The following ZBTB16 variants were observed in gnomAD, a reference collection of about 807,000 sequenced individuals.
ZBTB16 encodes zinc finger and BTB domain containing 16.
In ZBTB16, 8 loss-of-function variants were observed where a neutral mutation model predicts 56.8. That is an observed-to-expected ratio of 0.14 (90% CI 0.08 to 0.25). The LOEUF is 0.25. Among genes scored for constraint, ZBTB16 ranks in the 10% least tolerant of loss-of-function variants. The probability of loss-of-function intolerance (pLI) is 1.00; values close to 1 mark genes in which losing one functional copy is unlikely to be tolerated. For synonymous variants in ZBTB16, 363 were observed against 368.5 expected (o/e 0.98, Z 0.17); for missense variants, 625 against 903.0 (o/e 0.69, Z 3.95).
intron 2 of ZBTB16, among the ~76,000 whole-genome samples, chr11:114,085,741 G>A (rs961247770): frequency 1.3e-5 from 2 of 152,064 alleles, no homozygotes; most frequent in African/African-American, 4.8e-5. Context: ...GTATGGGTGG[G>A]GGCAGGTGCC....
chr11:114,230,628 C>T (rs1268104850), intron 4 of ZBTB16, among the ~76,000 whole-genome samples: 11 of 17,192 alleles, frequency 6.4e-4, no homozygotes, highest in Non-Finnish European at 1.2e-3. Context: ...TAATCATCTT[C>T]TGTGGGGGGG....
intron 2 of ZBTB16, among the ~76,000 whole-genome samples, chr11:114,076,191 A>G (rs1413538634): frequency 2.0e-5 from 3 of 152,194 alleles, no homozygotes; most frequent in Admixed American, 6.5e-5. Context: ...GGAACTTTAA[A>G]AGAAATCTGT....
At chr11:114,118,609 A>G (rs1040654371) in intron 2 of ZBTB16, among the ~76,000 whole-genome samples, 1 of 152,188 alleles carries the variant, frequency 6.6e-6, no homozygotes, top group African/African-American at 2.4e-5. Context: ...TCAAATATCT[A>G]TTATGGAATC....
chr11:114,068,326 G>GAA (rs1939202111), intron 2 of ZBTB16, among the ~76,000 whole-genome samples: 1 of 152,198 alleles, frequency 6.6e-6, no homozygotes, highest in South Asian at 2.1e-4. Flanking sequence ...ATTATGGAAT[G>GAA]TCATCGGTAA....
At chr11:114,135,674 C>G (rs1263084161) in intron 2 of ZBTB16, among the ~76,000 whole-genome samples, 1 of 152,164 alleles carries the variant, frequency 6.6e-6, no homozygotes, top group Non-Finnish European at 1.5e-5. Flanking sequence ...TCCTTCCCTA[C>G]AGAACTATAA....
At chr11:114,222,923 T>C (rs1944258723) in intron 4 of ZBTB16, among the ~76,000 whole-genome samples, 1 of 152,148 alleles carries the variant, frequency 6.6e-6, no homozygotes, top group Admixed American at 6.5e-5. Context: ...GGTCAGCTTA[T>C]GTGCCTGAGG....
intron 3 of ZBTB16, among the ~76,000 whole-genome samples, chr11:114,160,710 A>G (rs558933026): frequency 2.0e-5 from 3 of 152,310 alleles, no homozygotes; most frequent in African/African-American, 4.8e-5. Context: ...TTTAATTTCA[A>G]TTCGAATGTG....
At chr11:114,156,539 G>C (rs551098472) in intron 3 of ZBTB16, 105 bp downstream of exon 3, 4 of 1,047,888 alleles carry the variant, frequency 3.8e-6, no homozygotes, top group Admixed American at 3.7e-5. Flanking sequence ...CCCACTGCCC[G>C]CTGGGGCCCT....
In ZBTB16 at chr11:114,143,105, C is replaced by T. The variant is rs749763209; in HGVS notation, c.1269-13232C>T. 3.3e-5 allele frequency among the ~76,000 whole-genome samples: 5 copies of T among 151,964 alleles called. No homozygotes were observed. In the South Asian group the frequency reaches 6.2e-4, roughly 19 times the overall value. On this transcript the variant is annotated intron_variant, in intron 2 of 6. Coordinates refer to ENST00000335953, the MANE Select transcript of ZBTB16 (RefSeq NM_006006.6). The surrounding 1 kb of genome is among the most constrained non-coding windows in gnomAD (Gnocchi z 6.4). ...TGCTCCCACCTACTCTCCCAGGTTC[C>T]GAGGCTCCTGTGCACACGGTGAATG...
At chr11:114,079,946 G>A (rs1357701933) in intron 2 of ZBTB16, among the ~76,000 whole-genome samples, 2 of 152,182 alleles carry the variant, frequency 1.3e-5, no homozygotes, top group African/African-American at 4.8e-5. Context: ...TGCATTTGTG[G>A]TTTGGCCTCC....
intron 2 of ZBTB16, among the ~76,000 whole-genome samples, chr11:114,083,792 C>A (rs865893820): frequency 6.6e-6 from 1 of 151,674 alleles, no homozygotes; most frequent in Non-Finnish European, 1.5e-5. Context: ...CTTGATGCCG[C>A]CCCCCCGCCC....
chr11:114,143,424 G>T lies in ZBTB16; in HGVS notation c.1269-12913G>T, dbSNP rs1942012408. Among the ~76,000 whole-genome samples, 1 of 152,138 alleles carries T rather than the reference G, an allele frequency of 6.6e-6. No homozygotes were observed. The highest frequency in any genetic ancestry group is 2.4e-5 in the African/African-American group (1 of 41,438). ...CACTTAAAAGACAGAGGCTGGGGGG[G>T]AAAGGGGGTCAGCTTTGAGAGGGGA... On this transcript the variant is annotated intron_variant, in intron 2 of 6. Coordinates refer to ENST00000335953, the MANE Select transcript of ZBTB16 (RefSeq NM_006006.6). The surrounding 1 kb of genome is among the most constrained non-coding windows in gnomAD (Gnocchi z 6.4).
rs560868051 is a variant in ZBTB16, at chr11:114,250,251, G to A, written c.1793-75G>A. The A allele has an allele frequency of 1.2e-5, 18 of 1,532,082 alleles. No homozygotes were observed. Among genetic ancestry groups the A allele is most frequent in the African/African-American group, 2.7e-5 (2 of 73,640 alleles). 94.9% of individuals were successfully genotyped at this position (1,532,082 alleles called of 1,614,324 possible). On this transcript the variant is annotated intron_variant, in intron 6 of 6. Coordinates refer to ENST00000335953, the MANE Select transcript of ZBTB16 (RefSeq NM_006006.6). The surrounding 1 kb of genome is among the most constrained non-coding windows in gnomAD (Gnocchi z 6.0). ...TGGAGGAACCCAGCTTCCCTGGCAC[G>A]CCTGAGGGTGACATGGTGCCCTCAC...
In ZBTB16 at chr11:114,242,450, C is replaced by T; in HGVS notation, c.1624+113C>T. ...GCTGAGTCAGCCTTCAGTCCTTCTGCTCAAGGCTTGGACGTGCAGAGGCTG... is the reference window on the plus strand; with the variant it reads ...GCTGAGTCAGCCTTCAGTCCTTCTGTTCAAGGCTTGGACGTGCAGAGGCTG... On this transcript the variant is annotated intron_variant, in intron 5 of 6. Coordinates refer to ENST00000335953, the MANE Select transcript of ZBTB16 (RefSeq NM_006006.6). 1.1e-5 allele frequency: 16 copies of T among 1,465,904 alleles called. No individual in the cohort carries two copies. In the South Asian group the frequency reaches 1.7e-4, roughly 16 times the overall value. 90.8% of individuals were successfully genotyped at this position (1,465,904 alleles called of 1,614,324 possible).
At chr11:114,111,862 A>T (rs1463312438) in intron 2 of ZBTB16, among the ~76,000 whole-genome samples, 1 of 152,058 alleles carries the variant, frequency 6.6e-6, no homozygotes, top group Non-Finnish European at 1.5e-5. Flanking sequence ...ATTTATCTTG[A>T]ATGTTTTTGT....
At chr11:114,159,010 G>T (rs1181001082) in intron 3 of ZBTB16, among the ~76,000 whole-genome samples, 1 of 152,216 alleles carries the variant, frequency 6.6e-6, no homozygotes, top group Non-Finnish European at 1.5e-5. Flanking sequence ...CAGGCGGTGT[G>T]ACCCAGTGTG....
intron 4 of ZBTB16, among the ~76,000 whole-genome samples, chr11:114,195,120 C>T (rs1943575855): frequency 1.3e-5 from 2 of 152,126 alleles, no homozygotes; most frequent in Non-Finnish European, 2.9e-5. Flanking sequence ...ACTGTACATC[C>T]CCATTTGGGA....
At chr11:114,207,695 C>T (rs1337753883) in intron 4 of ZBTB16, among the ~76,000 whole-genome samples, 1 of 152,096 alleles carries the variant, frequency 6.6e-6, no homozygotes, top group African/African-American at 2.4e-5. Context: ...CTCACTGCAA[C>T]CTCCGCCTCC....
intron 3 of ZBTB16, among the ~76,000 whole-genome samples, chr11:114,160,346 C>T (rs1000215282): frequency 7.2e-5 from 11 of 152,108 alleles, no homozygotes; most frequent in East Asian, 5.8e-4. Flanking sequence ...CATTGAATTC[C>T]GCAGAGATGT....
Sources: gnomAD v4.1 joint callset for allele counts (sites outside exome capture counted in the v4.1 genomes callset) on GRCh38, gnomAD v4.1.1 for gene constraint, Gnocchi (gnomAD v3.1) non-coding constraint, MANE v1.5 for transcripts, NCBI Gene and HGNC (gene_info 2026-07-23, HGNC 2026-07-21) for gene names.